The following IL1RAPL1 variants were observed in gnomAD, a reference collection of about 807,000 sequenced individuals.
IL1RAPL1 encodes the protein interleukin 1 receptor accessory protein like 1.
Under a neutral mutation model 48.4 loss-of-function variants are expected in IL1RAPL1, and 3 were observed. That is an observed-to-expected ratio of 0.06 (90% CI 0.03 to 0.16). The LOEUF (loss-of-function observed/expected upper bound fraction) is 0.16. Among genes scored for constraint, IL1RAPL1 ranks in the 10% least tolerant of loss-of-function variants. The pLI, the probability that IL1RAPL1 is intolerant of heterozygous loss-of-function variation, is 1.00. For synonymous variants in IL1RAPL1, 185 were observed against 187.7 expected, an observed-to-expected ratio of 0.99 and a Z score of 0.12; for missense variants, 349 against 530.6, an observed-to-expected ratio of 0.66 and a Z score of 3.36.
At chrX:29,704,999 T>TTTAAAAG (rs1405423734) in intron 6 of IL1RAPL1, among the ~76,000 whole-genome samples, 2 of 111,377 alleles carry the variant, frequency 1.8e-5, no homozygotes, top group East Asian at 2.8e-4. Flanking sequence ...AAGTCTGGGC[T>TTTAAAAG]TCTGGTATAG....
intron 3 of IL1RAPL1, among the ~76,000 whole-genome samples, chrX:29,361,542 A>AACACAC (rs35694893): frequency 0.15 from 14,978 of 100,746 alleles, 970 homozygotes; most frequent in African/African-American, 0.24. Flanking sequence ...AACTACCTTA[A>AACACAC]ACACACACAC....
intron 2 of IL1RAPL1, among the ~76,000 whole-genome samples, chrX:29,174,607 G>T (rs892795300): frequency 1.1e-4 from 12 of 111,505 alleles, no homozygotes; most frequent in African/African-American, 3.9e-4. Flanking sequence ...AAATTCAGAA[G>T]TAGATTTATA....
intron 6 of IL1RAPL1, among the ~76,000 whole-genome samples, chrX:29,676,224 T>C (rs1349444139): frequency 1.8e-5 from 2 of 112,232 alleles, no homozygotes. Context: ...ATAATGCATG[T>C]AAAAATTAAT....
At chrX:28,968,015 A>G in intron 2 of IL1RAPL1, among the ~76,000 whole-genome samples, 1 of 111,789 alleles carries the variant, frequency 8.9e-6, no homozygotes, top group South Asian at 3.8e-4. Flanking sequence ...TTCTTTTCTC[A>G]TAAGGGCAGT....
At chrX:29,770,148 T>C (rs7054589) in intron 6 of IL1RAPL1, among the ~76,000 whole-genome samples, 35,415 of 110,768 alleles carry the variant, frequency 0.32, 4,354 homozygotes, top group African/African-American at 0.43. Flanking sequence ...ACTACATAAT[T>C]ATTGGCAAAG....
chrX:29,159,485 T>G (rs1929638646), intron 2 of IL1RAPL1, among the ~76,000 whole-genome samples: 1 of 112,013 alleles, frequency 8.9e-6, no homozygotes. Flanking sequence ...AAAAGATACA[T>G]TATTTACCAG....
At chrX:28,953,690 T>C (rs1213888126) in intron 2 of IL1RAPL1, among the ~76,000 whole-genome samples, 1 of 111,276 alleles carries the variant, frequency 9.0e-6, no homozygotes, top group Non-Finnish European at 1.9e-5. Flanking sequence ...CAAAAAAACA[T>C]GATATCAACA....
chrX:29,449,141 T>C (rs1325905060), intron 5 of IL1RAPL1, among the ~76,000 whole-genome samples: 1 of 111,755 alleles, frequency 8.9e-6, no homozygotes, highest in African/African-American at 3.3e-5. Context: ...GGTACTATTC[T>C]TCCCATTTAT....
intron 2 of IL1RAPL1, among the ~76,000 whole-genome samples, chrX:29,008,762 C>G (rs900730356): frequency 9.1e-6 from 1 of 110,099 alleles, no homozygotes; most frequent in African/African-American, 3.3e-5. Flanking sequence ...TAAGAATGAT[C>G]TCATCACTCA....
At chrX:29,801,106 T>TTTAAAGA (rs1186455380) in intron 6 of IL1RAPL1, among the ~76,000 whole-genome samples, 2 of 89,410 alleles carry the variant, frequency 2.2e-5, no homozygotes, top group Non-Finnish European at 4.3e-5. Context: ...TAGTTTATAA[T>TTTAAAGA]TTAAAGACAC....
chrX:28,628,970 C>A lies in IL1RAPL1; in HGVS notation c.-25+40923C>A, dbSNP rs763183499. On this transcript the variant is annotated intron_variant, in intron 1 of 10. Coordinates refer to ENST00000378993, the MANE Select transcript of IL1RAPL1 (RefSeq NM_014271.4). The stretch of plus-strand genomic sequence containing the variant: ...AAAACTTTTTTAGGGCTTTGCTAGC[C>A]GATTCCATTTCTTCATTTTATCCTA... Among the ~76,000 whole-genome samples, 3 of 111,462 alleles carry A rather than the reference C, an allele frequency of 2.7e-5. No homozygotes were observed. The South Asian group carries it at 1.1e-3, about 42-fold the overall frequency.
chrX:29,238,649 C>A (rs1036553932), intron 2 of IL1RAPL1, among the ~76,000 whole-genome samples: 1 of 112,156 alleles, frequency 8.9e-6, no homozygotes, highest in African/African-American at 3.2e-5. Context: ...GCCTCAATTT[C>A]TTTCTAGCCA....
chrX:29,879,252 G>A (rs1385990647), intron 6 of IL1RAPL1, among the ~76,000 whole-genome samples: 1 of 109,755 alleles, frequency 9.1e-6, no homozygotes, highest in Non-Finnish European at 1.9e-5. Flanking sequence ...CTGGGATTAG[G>A]AGTAGGGAGA....
chrX:28,903,188 C>A (rs1365124476), intron 2 of IL1RAPL1, among the ~76,000 whole-genome samples: 2 of 110,521 alleles, frequency 1.8e-5, no homozygotes, highest in Non-Finnish European at 3.8e-5. Context: ...GGCGCTATCT[C>A]GGCTCACTGC....
chrX:29,804,774 A>G lies in IL1RAPL1; in HGVS notation c.779-112690A>G, dbSNP rs1011934123. ...GTGCAGAATAAGGTCCTATATGTCAATGGGCCAACTTGTGTGTTTTGTAAT... is the reference window on the plus strand; with the variant it reads ...GTGCAGAATAAGGTCCTATATGTCAGTGGGCCAACTTGTGTGTTTTGTAAT... On this transcript the variant is annotated intron_variant, in intron 6 of 10. Coordinates refer to ENST00000378993, the MANE Select transcript of IL1RAPL1 (RefSeq NM_014271.4). 5.4e-5 allele frequency among the ~76,000 whole-genome samples: 6 copies of G among 112,035 alleles called. No individual in the cohort carries two copies. The Admixed American group carries it at 5.7e-4, about 11-fold the overall frequency.
chrX:28,984,311 T>C (rs1443967328), intron 2 of IL1RAPL1, among the ~76,000 whole-genome samples: 1 of 111,568 alleles, frequency 9.0e-6, no homozygotes, highest in Non-Finnish European at 1.9e-5. Flanking sequence ...AGTAAAACTT[T>C]AGAGACTTCC....
intron 9 of IL1RAPL1, among the ~76,000 whole-genome samples, chrX:29,952,155 T>C (rs1933331809): frequency 8.9e-6 from 1 of 111,934 alleles, no homozygotes; most frequent in Non-Finnish European, 1.9e-5. Flanking sequence ...GCTCCGTTCT[T>C]ACTGGTGTTC....
chrX:28,754,932 T>C (rs1448915283), intron 1 of IL1RAPL1, among the ~76,000 whole-genome samples: 1 of 112,527 alleles, frequency 8.9e-6, no homozygotes, highest in Non-Finnish European at 1.9e-5. Context: ...ATTACATATT[T>C]TCCAGTGCAA....
chrX:28,873,401 G>A (rs1922261089), intron 2 of IL1RAPL1, among the ~76,000 whole-genome samples: 1 of 108,533 alleles, frequency 9.2e-6, no homozygotes, highest in African/African-American at 3.4e-5. Flanking sequence ...GCGAGCCACC[G>A]AGCCCGGCCT....
Sources: allele counts gnomAD v4.1 joint callset (sites outside exome capture counted in the v4.1 genomes callset), GRCh38; gene constraint gnomAD v4.1.1; transcripts MANE v1.5; gene names NCBI Gene and HGNC (gene_info 2026-07-23, HGNC 2026-07-21).